The following CACNA2D3 variants were observed in gnomAD, a reference collection of about 807,000 sequenced individuals.
The protein encoded by CACNA2D3 is voltage-dependent calcium channel subunit alpha-2/delta-3.
CACNA2D3 carries 60 observed loss-of-function variants against 160.6 expected under a neutral mutation model. That is an observed-to-expected ratio of 0.37 (90% CI 0.30 to 0.46). The LOEUF (loss-of-function observed/expected upper bound fraction) is 0.46. Among genes scored for constraint, CACNA2D3 ranks in the 20% least tolerant of loss-of-function variants. The pLI, the probability that CACNA2D3 is intolerant of heterozygous loss-of-function variation, is 1.00. For synonymous variants in CACNA2D3, 558 were observed against 492.9 expected (o/e 1.13, Z -1.75); for missense variants, 1,205 against 1,365.0 (o/e 0.88, Z 1.85).
intron 2 of CACNA2D3, among the ~76,000 whole-genome samples, chr3:54,145,906 T>C (rs1293985981): frequency 6.6e-6 from 1 of 152,248 alleles, no homozygotes; most frequent in Non-Finnish European, 1.5e-5. Flanking sequence ...TTTCTCTTTA[T>C]CTTTCTGCAC....
chr3:54,943,075 GC>G (rs1162162358), intron 27 of CACNA2D3, among the ~76,000 whole-genome samples: 1 of 151,890 alleles, frequency 6.6e-6, no homozygotes, highest in Non-Finnish European at 1.5e-5. Context: ...GGTAGCAGGT[GC>G]CTGTAGTCCC....
At chr3:54,870,601 C>T (rs918408848) in intron 17 of CACNA2D3, among the ~76,000 whole-genome samples, 4 of 152,126 alleles carry the variant, frequency 2.6e-5, no homozygotes, top group Non-Finnish European at 4.4e-5. Context: ...GACACAAGAA[C>T]GTCCGGTCGA....
intron 11 of CACNA2D3, among the ~76,000 whole-genome samples, chr3:54,722,453 T>A (rs1361349991): frequency 6.6e-6 from 1 of 152,230 alleles, no homozygotes; most frequent in East Asian, 1.9e-4. Context: ...GTTCCCTTGC[T>A]GGTTAGGAGT....
At chr3:54,562,131 A>T (rs1009104977) in intron 5 of CACNA2D3, among the ~76,000 whole-genome samples, 20 of 152,268 alleles carry the variant, frequency 1.3e-4, no homozygotes, top group Non-Finnish European at 2.9e-5. Flanking sequence ...GTGGGGACAT[A>T]GCCAAATCAT....
At chr3:54,768,079 T>A (rs1039316642) in intron 13 of CACNA2D3, among the ~76,000 whole-genome samples, 3 of 152,192 alleles carry the variant, frequency 2.0e-5, no homozygotes, top group African/African-American at 7.2e-5. Context: ...TGTCAATGGA[T>A]GCTAAATCTA....
chr3:54,898,064 C>CGCTTGCTT (rs10660896), intron 26 of CACNA2D3, among the ~76,000 whole-genome samples: 129 of 151,212 alleles, frequency 8.5e-4, no homozygotes, highest in African/African-American at 2.4e-3. Flanking sequence ...GTCCGAAGCT[C>CGCTTGCTT]GCTTGCTTGC....
intron 11 of CACNA2D3, among the ~76,000 whole-genome samples, chr3:54,671,813 C>T (rs1700168967): frequency 6.6e-6 from 1 of 152,164 alleles, no homozygotes; most frequent in Non-Finnish European, 1.5e-5. Flanking sequence ...AGACCTAGCA[C>T]CCTAAGACTC....
chr3:54,712,473 A>G (rs1250972097), intron 11 of CACNA2D3, among the ~76,000 whole-genome samples: 2 of 152,138 alleles, frequency 1.3e-5, no homozygotes, highest in Non-Finnish European at 2.9e-5. Context: ...TTCTCATGAT[A>G]GTGAATAAGT....
At chr3:54,123,993 G>C (rs1325415924) in intron 2 of CACNA2D3, among the ~76,000 whole-genome samples, 1 of 152,162 alleles carries the variant, frequency 6.6e-6, no homozygotes, top group Non-Finnish European at 1.5e-5. Context: ...CGTTGGAGGC[G>C]TGGGGTTCAG....
intron 2 of CACNA2D3, among the ~76,000 whole-genome samples, chr3:54,205,457 T>A (rs1396833197): frequency 6.6e-6 from 1 of 152,154 alleles, no homozygotes; most frequent in Non-Finnish European, 1.5e-5. Context: ...GAAGGAAATA[T>A]AACTATGGCC....
intron 4 of CACNA2D3, among the ~76,000 whole-genome samples, chr3:54,489,245 G>T (rs1193740471): frequency 1.3e-5 from 2 of 152,178 alleles, no homozygotes; most frequent in Admixed American, 6.5e-5. Context: ...GGTATTTCTG[G>T]AAGCTCGCTA....
chr3:54,551,547 G>T (rs1702156917), intron 5 of CACNA2D3, among the ~76,000 whole-genome samples: 1 of 152,170 alleles, frequency 6.6e-6, no homozygotes, highest in Admixed American at 6.5e-5. Flanking sequence ...GACCAGTGCA[G>T]ATTTGGGTGT....
chr3:54,360,901 T>A (rs561140339), intron 3 of CACNA2D3, among the ~76,000 whole-genome samples: 2 of 152,286 alleles, frequency 1.3e-5, no homozygotes, highest in East Asian at 3.9e-4. Context: ...ATTTGGTTTT[T>A]CTATGTCTCA....
At position 54,617,316 on chromosome 3, in the gene CACNA2D3, C is replaced by T. The variant is rs546502581; in HGVS notation, c.964-10471C>T. Among the ~76,000 whole-genome samples the T allele has an allele frequency of 3.6e-4, 55 of 152,324 alleles. 1 individual carries two copies. In the South Asian group the frequency reaches 0.01, roughly 29 times the overall value. ...TCTTATCTGTCCAGCACCTCTCTCTCTCATCCTTTACATGAAATCCCTCTG... is the reference window on the plus strand; with the variant it reads ...TCTTATCTGTCCAGCACCTCTCTCTTTCATCCTTTACATGAAATCCCTCTG... On this transcript the variant is annotated intron_variant, in intron 9 of 37. Transcript: ENST00000474759.
chr3:54,495,278 T>A (rs1701185483), intron 4 of CACNA2D3, among the ~76,000 whole-genome samples: 1 of 150,792 alleles, frequency 6.6e-6, no homozygotes, highest in South Asian at 2.1e-4. Flanking sequence ...TTAACTTGAG[T>A]TCTGTTTCTA....
At chr3:54,152,795 A>T (rs1001019728) in intron 2 of CACNA2D3, among the ~76,000 whole-genome samples, 10 of 152,224 alleles carry the variant, frequency 6.6e-5, no homozygotes, top group Admixed American at 5.2e-4. Flanking sequence ...TTTGTATTTA[A>T]GTGTGAGAAA....
chr3:55,002,969 G>T (rs1703014939), intron 31 of CACNA2D3, among the ~76,000 whole-genome samples: 1 of 152,164 alleles, frequency 6.6e-6, no homozygotes, highest in Non-Finnish European at 1.5e-5. Context: ...GTGCAATCAG[G>T]CAATCATTTA....
At chr3:54,578,267 A>T (rs1372230373) in intron 8 of CACNA2D3, among the ~76,000 whole-genome samples, 3 of 152,208 alleles carry the variant, frequency 2.0e-5, no homozygotes, top group Non-Finnish European at 4.4e-5. Context: ...ATATCAGATT[A>T]TTTCACTAGG....
chr3:54,978,060 T>C (rs1403407198), intron 29 of CACNA2D3, among the ~76,000 whole-genome samples: 1 of 152,152 alleles, frequency 6.6e-6, no homozygotes, highest in East Asian at 1.9e-4. Flanking sequence ...GTGAGGATGA[T>C]CAGAGTTTAC....
Sources: gnomAD v4.1 joint callset for allele counts (sites outside exome capture counted in the v4.1 genomes callset) on GRCh38, gnomAD v4.1.1 for gene constraint, MANE v1.5 for transcripts, NCBI Gene and HGNC (gene_info 2026-07-23, HGNC 2026-07-21) for gene names.